Variants in CYLD observed in about 807,000 individuals in gnomAD.
The protein encoded by CYLD is ubiquitin carboxyl-terminal hydrolase CYLD.
CYLD carries 26 observed loss-of-function variants against 104.5 expected under a neutral mutation model. The ratio of observed to expected loss-of-function variants is 0.25; its 90% CI spans 0.18 to 0.35. The LOEUF is 0.35. Ranked by LOEUF, CYLD falls within the 10% of genes least tolerant of loss-of-function variation. The pLI is 1.00. For synonymous variants in CYLD, 385 were observed against 399.9 expected, an observed-to-expected ratio of 0.96 and a Z score of 0.45; for missense variants, 703 against 1,136.1, an observed-to-expected ratio of 0.62 and a Z score of 5.48.
chr16:50,745,328 G>GT (rs201200755), intron 2 of CYLD, among the ~76,000 whole-genome samples: 15 of 134,946 alleles, frequency 1.1e-4, no homozygotes, highest in East Asian at 2.1e-4. Flanking sequence ...TTGATGTTGG[G>GT]TTTTTTTTTG....
In CYLD at chr16:50,798,188, G is replaced by A. The variant is rs1292581939; in HGVS notation, c.*1680G>A. 2 of 231,996 alleles carry A rather than the reference G, an allele frequency of 8.6e-6. No individual in the cohort carries two copies. Among genetic ancestry groups the A allele is most frequent in the African/African-American group, 4.4e-5 (2 of 45,270 alleles). The allele number at this position is 231,996 out of a possible 1,614,324, so 14.4% of individuals were successfully genotyped here. A position where few individuals can be genotyped will look rare whatever the true frequency, so the allele number is the denominator to read the frequency against. ...AATGAAGAAATGGGTGAATGAGCTT[G>A]TCAATGTGATTTTAAAAAATTGACT... On this transcript the variant is annotated 3_prime_UTR_variant, in exon 19 of 19. Transcript: ENST00000427738.
At chr16:50,753,195 G>T (rs1021453481) in intron 4 of CYLD, among the ~76,000 whole-genome samples, 1 of 152,194 alleles carries the variant, frequency 6.6e-6, no homozygotes, top group Admixed American at 6.5e-5. Flanking sequence ...TGAAAAGTTA[G>T]AACCAGAGTA....
rs78657799 is a variant in CYLD, at chr16:50,759,700, C to T, written c.913+5276C>T. On this transcript the variant is annotated intron_variant, in intron 5 of 18. Coordinates refer to ENST00000427738, the MANE Select transcript of CYLD (RefSeq NM_001378743.1). ...GTGCCCATTGTAATATTAATGGACG[C>T]TTGGGTTTTAGGTTGTTTCCACCTC... Among the ~76,000 whole-genome samples, 1,265 of 152,264 alleles carry T rather than the reference C, an allele frequency of 8.3e-3. 15 individuals carry two copies. Among genetic ancestry groups the T allele is most frequent in the African/African-American group, 0.026 (1,074 of 41,552 alleles).
At chr16:50,771,097 C>T (rs1414272758) in intron 5 of CYLD, among the ~76,000 whole-genome samples, 1 of 152,124 alleles carries the variant, frequency 6.6e-6, no homozygotes, top group Non-Finnish European at 1.5e-5. Context: ...ATATGTTGTG[C>T]AACCCTCACC....
intron 11 of CYLD, 68 bp from the exon 12 acceptor site, chr16:50,784,261 C>G: frequency 6.6e-7 from 1 of 1,523,188 alleles, no homozygotes. Flanking sequence ...TCTTCTAATT[C>G]TGTTAAAAAT....
chr16:50,782,304 T>C (rs768181420), intron 10 of CYLD, 21 bp from the exon 11 acceptor site: 6 of 1,533,544 alleles, frequency 3.9e-6, no homozygotes, highest in Middle Eastern at 1.7e-4. Flanking sequence ...TCATTTACTT[T>C]TTTTAAAAAA....
chr16:50,796,176 A>T (rs1972030913), intron 18 of CYLD, 148 bp from the exon 19 acceptor site: 4 of 717,920 alleles, frequency 5.6e-6, no homozygotes, highest in Non-Finnish European at 9.2e-6. Flanking sequence ...CAAGGGTTAA[A>T]GGAGGCTTTC....
At chr16:50,795,701 A>T (rs937736091) in intron 18 of CYLD, 4 of 677,106 alleles carry the variant, frequency 5.9e-6, no homozygotes, top group South Asian at 3.1e-5. Context: ...GATACATCCC[A>T]GCCCCATCTG....
At chr16:50,746,416 C>G (rs956494530) in intron 2 of CYLD, among the ~76,000 whole-genome samples, 2 of 152,206 alleles carry the variant, frequency 1.3e-5, no homozygotes, top group Non-Finnish European at 2.9e-5. Context: ...TCAACTTTCT[C>G]TATCAGTTGC....
At chr16:50,780,132 G>C (rs942955420) in intron 9 of CYLD, 88 bp downstream of exon 9, 104 of 1,463,150 alleles carry the variant, frequency 7.1e-5, no homozygotes, top group African/African-American at 7.1e-4. Context: ...TTGACAAACT[G>C]TTATATTTGT....
intron 5 of CYLD, among the ~76,000 whole-genome samples, chr16:50,755,090 TATAC>T (rs1471478563): frequency 4.8e-5 from 6 of 125,442 alleles, no homozygotes; most frequent in South Asian, 2.6e-4. Context: ...TACACACATA[TATAC>T]ATACATATAT....
At chr16:50,767,816 A>G (rs555029222) in intron 5 of CYLD, among the ~76,000 whole-genome samples, 5 of 152,174 alleles carry the variant, frequency 3.3e-5, no homozygotes, top group East Asian at 1.9e-4. Flanking sequence ...CCACATCTCA[A>G]TTTGGTTTGA....
chr16:50,784,695 A>G, intron 12 of CYLD: 1 of 425,192 alleles, frequency 2.4e-6, no homozygotes. Flanking sequence ...ATTTTGCTAG[A>G]GTAAACTATA....
intron 5 of CYLD, 46 bp downstream of exon 5, chr16:50,754,470 T>G: frequency 7.7e-7 from 1 of 1,292,514 alleles, no homozygotes; most frequent in South Asian, 1.3e-5. Context: ...ACTTTATTTT[T>G]TAATTTTTTA....
intron 5 of CYLD, among the ~76,000 whole-genome samples, chr16:50,759,148 A>C (rs1967625628): frequency 6.6e-6 from 1 of 152,210 alleles, no homozygotes; most frequent in South Asian, 2.1e-4. Flanking sequence ...GGCTGAGGCC[A>C]GGAGAATCGC....
In CYLD at chr16:50,777,770, A is replaced by T; in HGVS notation, c.1022-55A>T. ...ATAATAATTTCTCTTACTAAAAAAA[A>T]ACTTTGATGCTATATTGACTTTATT... On this transcript the variant is annotated intron_variant, in intron 7 of 18. Coordinates refer to ENST00000427738, the MANE Select transcript of CYLD (RefSeq NM_001378743.1). The T allele has an allele frequency of 3.3e-6, 3 of 905,586 alleles. No individual in the cohort carries two copies. In the South Asian group the frequency reaches 4.1e-5, roughly 12 times the overall value. The allele number at this position is 905,586 out of a possible 1,614,324, so 56.1% of individuals were successfully genotyped here.
chr16:50,775,094 T>C, intron 5 of CYLD, 72 bp from the exon 6 acceptor site: 3 of 1,313,112 alleles, frequency 2.3e-6, no homozygotes, highest in Non-Finnish European at 3.2e-6. Context: ...GTTTAAAATG[T>C]AAAAATTTTC....
chr16:50,793,660 C>T lies in CYLD; in HGVS notation c.2465C>T (p.Thr822Ile), dbSNP rs775394735. ...KIKQFCKTCN[T>I]QVHLHPKRLN... ...AAGCAGTTTTGTAAAACCTGCAACA[C>T]TCAAGTGAGCTTCCCTTCACTTAAT... The change falls in exon 17 of 19, where the codon ACT (threonine) becomes ATT (isoleucine). Residue 822 changes from threonine to isoleucine, a missense_variant. This residue lies in a region of CYLD where 130 missense variants were observed against 220.2 expected (regional missense o/e 0.59). Coordinates refer to ENST00000427738, the MANE Select transcript of CYLD (RefSeq NM_001378743.1). 16 of 1,589,606 alleles carry T rather than the reference C, an allele frequency of 1.0e-5. No homozygotes were observed. Among genetic ancestry groups the T allele is most frequent in the Middle Eastern group, 1.7e-4 (1 of 6,042 alleles).
intron 2 of CYLD, among the ~76,000 whole-genome samples, chr16:50,747,583 C>T (rs1282675652): frequency 6.6e-6 from 1 of 152,136 alleles, no homozygotes; most frequent in African/African-American, 2.4e-5. Context: ...CAAAAAGAAC[C>T]AACACTTCAG....
Sources: gnomAD v4.1 joint callset for allele counts (sites outside exome capture counted in the v4.1 genomes callset) on GRCh38, gnomAD v4.1.1 for gene constraint, gnomAD v4.1.1 regional missense constraint, MANE v1.5 for transcripts, NCBI Gene and HGNC (gene_info 2026-07-23, HGNC 2026-07-21) for gene names.